The following DPY19L4 variants were observed in gnomAD, a reference collection of about 807,000 sequenced individuals.
DPY19L4 encodes probable C-mannosyltransferase DPY19L4.
In DPY19L4, 97 loss-of-function variants were observed where a neutral mutation model predicts 102.8. The ratio of observed to expected loss-of-function variants is 0.94; its 90% CI spans 0.80 to 1.12. The LOEUF is 1.12. Ranked by LOEUF, DPY19L4 falls within the 50% of genes most tolerant of loss-of-function variation. The pLI is 0.00. For synonymous variants in DPY19L4, 252 were observed against 283.1 expected (o/e 0.89, Z 1.10); for missense variants, 815 against 850.4 (o/e 0.96, Z 0.52).
chr8:94,736,568 C>T (rs1346476747), intron 3 of DPY19L4, among the ~76,000 whole-genome samples: 1 of 152,112 alleles, frequency 6.6e-6, no homozygotes, highest in African/African-American at 2.4e-5. Flanking sequence ...ACATATTATG[C>T]ATAAAAATAA....
intron 2 of DPY19L4, among the ~76,000 whole-genome samples, chr8:94,727,635 A>G (rs1226631881): frequency 6.6e-6 from 1 of 152,194 alleles, no homozygotes; most frequent in Non-Finnish European, 1.5e-5. Flanking sequence ...AGGCTTCCAA[A>G]TTTCCACTCC....
intron 6 of DPY19L4, among the ~76,000 whole-genome samples, chr8:94,750,749 A>G (rs1459629609): frequency 1.3e-5 from 2 of 152,068 alleles, no homozygotes; most frequent in East Asian, 3.8e-4. Context: ...CAACACAATC[A>G]ATATAATAAA....
In DPY19L4 at chr8:94,734,669, G is replaced by C. The variant is rs1292709205; in HGVS notation, c.167G>C (p.Cys56Ser). Residue 56 changes from cysteine (C) to serine (S), a missense_variant, in exon 3 of 19, where the codon TGT becomes TCT. Physicochemically the swap from Cys to Ser is moderately radical, Grantham distance 112. Coordinates refer to ENST00000414645, the MANE Select transcript of DPY19L4 (RefSeq NM_181787.3). ...FQRFAKIFIG[C>S]LAAVTSGMMY... ...CGCTTTGCAAAGATTTTCATTGGCT[G>C]TCTTGCAGCGGTTACTAGTGGTATG... is the stretch of plus-strand genomic sequence containing the variant. 6.2e-7 allele frequency: 1 copy of C among 1,614,044 alleles called. No individual in the cohort carries two copies. The highest frequency in any genetic ancestry group is 8.5e-7 in the Non-Finnish European group (1 of 1,179,978).
intron 1 of DPY19L4, among the ~76,000 whole-genome samples, chr8:94,721,362 C>T (rs999811587): frequency 6.6e-6 from 1 of 151,986 alleles, no homozygotes; most frequent in African/African-American, 2.4e-5. Flanking sequence ...CTGACCTGTC[C>T]CTATGCAGGC....
chr8:94,766,477 A>G (rs1168085025), intron 10 of DPY19L4, 135 bp from the exon 11 acceptor site: 1 of 693,964 alleles, frequency 1.4e-6, no homozygotes, highest in Non-Finnish European at 2.4e-6. Flanking sequence ...CTTGCTTCAT[A>G]GTCATACCGT....
chr8:94,739,697 G>A lies in DPY19L4; in HGVS notation c.518G>A (p.Gly173Glu). Residue 173 changes from glycine to glutamate, a missense_variant, in exon 6 of 19, where the codon GGA becomes GAA. Gly to Glu is a moderately conservative substitution (Grantham distance 98). Transcript: ENST00000414645. ...ATTGGCATTGTTTTTGGATTGCAAG[G>A]AATATATGTTACTGCTTTATTTGTT... ...FYIGIVFGLQ[G>E]IYVTALFVTS... 6.2e-7 allele frequency: 1 copy of A among 1,614,024 alleles called. No homozygotes were observed. Among genetic ancestry groups the A allele is most frequent in the Non-Finnish European group, 8.5e-7 (1 of 1,180,008 alleles).
intron 1 of DPY19L4, among the ~76,000 whole-genome samples, chr8:94,721,201 C>T (rs1810446232): frequency 6.6e-6 from 1 of 152,240 alleles, no homozygotes; most frequent in African/African-American, 2.4e-5. Context: ...CCACCTCGGC[C>T]TCCCAGAGTG....
In DPY19L4 at chr8:94,739,740, T is replaced by C. The variant is rs1401989681; in HGVS notation, c.561T>C (p.Ser187=). The C allele has an allele frequency of 6.2e-7, 1 of 1,613,122 alleles. No homozygotes were observed. The highest frequency in any genetic ancestry group is 8.5e-7 in the Non-Finnish European group (1 of 1,180,020). The change falls in exon 6 of 19, where the codon AGT becomes AGC. Residue 187 remains serine (S), a synonymous_variant. Coordinates refer to ENST00000414645, the MANE Select transcript of DPY19L4 (RefSeq NM_181787.3). ...TALFVTSWLM[S]GTWLAGMLTV... ...TATTTGTTACAAGTTGGCTTATGAGTGGAACATGGCTAGCAGGAATGCTTA... is the reference window on the plus strand; with the variant it reads ...TATTTGTTACAAGTTGGCTTATGAGCGGAACATGGCTAGCAGGAATGCTTA...
At chr8:94,736,567 G>T (rs926586349) in intron 3 of DPY19L4, among the ~76,000 whole-genome samples, 3 of 152,058 alleles carry the variant, frequency 2.0e-5, no homozygotes, top group Non-Finnish European at 4.4e-5. Flanking sequence ...TACATATTAT[G>T]CATAAAAATA....
chr8:94,768,403 C>A lies in DPY19L4; in HGVS notation c.1184C>A (p.Thr395Lys), dbSNP rs1476356235. The A allele has an allele frequency of 6.3e-7, 1 of 1,592,424 alleles. No individual in the cohort carries two copies. The highest frequency in any genetic ancestry group is 8.5e-7 in the Non-Finnish European group (1 of 1,174,290). ...CTTTTTGTCTTCTATAGGAATTTTA[C>A]AATGAATTGGCTCCTCTGTCAAGAA... ...KFGLNMTKNF[T>K]MNWLLCQESL... The change falls in exon 12 of 19, where the codon ACA becomes AAA. Residue 395 changes from threonine to lysine, a missense_variant. Thr to Lys is a moderately conservative substitution (Grantham distance 78). Transcript: ENST00000414645.
intron 6 of DPY19L4, among the ~76,000 whole-genome samples, chr8:94,747,388 T>C (rs192409443): frequency 7.2e-6 from 1 of 138,958 alleles, no homozygotes; most frequent in Admixed American, 7.2e-5. Context: ...GTAGCATTTA[T>C]TATTAAGACT....
chr8:94,781,254 A>C (rs1391927985), intron 16 of DPY19L4, 88 bp downstream of exon 16: 2 of 1,154,430 alleles, frequency 1.7e-6, no homozygotes, highest in African/African-American at 3.2e-5. Context: ...TAATAAATTA[A>C]TACTTCTCCA....
rs754529202 is a variant in DPY19L4 at position 94,738,366 on chromosome 8, T to C, written c.253-3T>C. The C allele has an allele frequency of 1.3e-5, 19 of 1,493,766 alleles. No homozygotes were observed. Among genetic ancestry groups the C allele is most frequent in the Non-Finnish European group, 1.7e-5 (19 of 1,121,516 alleles). The allele number at this position is 1,493,766 out of a possible 1,614,324, so 92.5% of individuals were successfully genotyped here. A position where few individuals can be genotyped will look rare whatever the true frequency, so the allele number is the denominator to read the frequency against. The stretch of plus-strand genomic sequence containing the variant: ...TTTAAATAATAATTTCATTTTCTTT[T>C]AGGAGCTTGAACGGGAAATCACGTT... On this transcript the variant is annotated splice_polypyrimidine_tract_variant and splice_region_variant and intron_variant, in intron 3 of 18. Transcript: ENST00000414645.
At chr8:94,727,830 A>C (rs1810756496) in intron 2 of DPY19L4, among the ~76,000 whole-genome samples, 1 of 152,220 alleles carries the variant, frequency 6.6e-6, no homozygotes. Flanking sequence ...AGCATAAACT[A>C]CATTGTTTGT....
rs1586438799 is a variant in DPY19L4, at chr8:94,790,418, T to C, written c.*508T>C. 6.6e-6 allele frequency: 1 copy of C among 152,652 alleles called. No individual in the cohort carries two copies. Among genetic ancestry groups the C allele is most frequent in the East Asian group, 1.9e-4 (1 of 5,186 alleles). The allele number at this position is 152,652 out of a possible 1,614,324, so 9.5% of individuals were successfully genotyped here. A position where few individuals can be genotyped will look rare whatever the true frequency, so the allele number is the denominator to read the frequency against. On this transcript the variant is annotated 3_prime_UTR_variant, in exon 19 of 19. Transcript: ENST00000414645. ...TAGCTGAAGATATGTGGCATTTAAA[T>C]TAAAATGGAAATTATATAAAGGAAA...
chr8:94,747,811 C>G (rs1026698955), intron 6 of DPY19L4, among the ~76,000 whole-genome samples: 3 of 152,060 alleles, frequency 2.0e-5, no homozygotes, highest in African/African-American at 7.2e-5. Context: ...CCACCCGCCT[C>G]GGCCTTCCAA....
chr8:94,763,149 A>G (rs1443386727), intron 8 of DPY19L4, among the ~76,000 whole-genome samples: 3 of 150,304 alleles, frequency 2.0e-5, no homozygotes, highest in Admixed American at 6.7e-5. Flanking sequence ...GAGTTTCACC[A>G]TGTTAGCCAG....
intron 6 of DPY19L4, among the ~76,000 whole-genome samples, chr8:94,750,074 G>A (rs1016890579): frequency 6.6e-6 from 1 of 152,118 alleles, no homozygotes; most frequent in Non-Finnish European, 1.5e-5. Flanking sequence ...TCATGCCTCA[G>A]CCTCTTGAGT....
intron 6 of DPY19L4, among the ~76,000 whole-genome samples, chr8:94,744,040 TTG>T (rs1483137434): frequency 1.3e-5 from 2 of 152,234 alleles, no homozygotes; most frequent in Non-Finnish European, 2.9e-5. Flanking sequence ...GCTTTTTTGA[TTG>T]TGTGATGTAT....
Sources: gnomAD v4.1 joint callset for allele counts (sites outside exome capture counted in the v4.1 genomes callset) on GRCh38, gnomAD v4.1.1 for gene constraint, MANE v1.5 for transcripts, NCBI Gene and HGNC (gene_info 2026-07-23, HGNC 2026-07-21) for gene names.